The following FBLN2 variants were observed in gnomAD, a reference collection of about 807,000 sequenced individuals.
FBLN2 encodes the protein fibulin-2.
FBLN2 carries 81 observed loss-of-function variants against 123.7 expected under a neutral mutation model. The observed-to-expected ratio is 0.65, with a 90% confidence interval of 0.55 to 0.79. The LOEUF (loss-of-function observed/expected upper bound fraction) is 0.79. FBLN2 is among the 30% of genes least tolerant of loss of function. The pLI is 0.00. For synonymous variants in FBLN2, 699 were observed against 701.4 expected (o/e 1.00, Z 0.05); for missense variants, 1,603 against 1,681.3 (o/e 0.95, Z 0.81).
At chr3:13,633,994 C>CACACACACACACACACACACAG (rs1486654741) in intron 16 of FBLN2, among the ~76,000 whole-genome samples, 2 of 150,580 alleles carry the variant, frequency 1.3e-5, no homozygotes, top group East Asian at 2.0e-4. Context: ...CACACACACA[C>CACACACACACACACACACACAG]AGCTGAAAGT....
chr3:13,637,495 C>T, intron 17 of FBLN2, 67 bp from the exon 18 acceptor site: 5 of 1,415,452 alleles, frequency 3.5e-6, no homozygotes, highest in Non-Finnish European at 4.8e-6. Context: ...GCTGTGCCAT[C>T]TGTGTCCCCG....
intron 1 of FBLN2, among the ~76,000 whole-genome samples, chr3:13,558,208 C>T (rs369663346): frequency 2.6e-5 from 4 of 152,150 alleles, no homozygotes; most frequent in South Asian, 4.1e-4. Context: ...AGGCCGGCCC[C>T]GCCTGCCTGT....
intron 2 of FBLN2, among the ~76,000 whole-genome samples, chr3:13,602,823 T>C (rs369828568): frequency 6.6e-6 from 1 of 152,338 alleles, no homozygotes; most frequent in African/African-American, 2.4e-5. Flanking sequence ...TCTCTTGGAT[T>C]GTCTAGGAAG....
chr3:13,586,687 T>G (rs1342431408), intron 2 of FBLN2, among the ~76,000 whole-genome samples: 1 of 149,788 alleles, frequency 6.7e-6, no homozygotes, highest in African/African-American at 2.5e-5. Context: ...TTTTTTGTAT[T>G]TTAGTAGAGA....
intron 2 of FBLN2, among the ~76,000 whole-genome samples, chr3:13,595,455 CT>C (rs1163037160): frequency 6.6e-6 from 1 of 152,156 alleles, no homozygotes; most frequent in Non-Finnish European, 1.5e-5. Context: ...CCCTTTCTGT[CT>C]GTCCATTTTA....
At chr3:13,627,037 A>T (rs1706066356) in intron 10 of FBLN2, among the ~76,000 whole-genome samples, 1 of 151,930 alleles carries the variant, frequency 6.6e-6, no homozygotes, top group Admixed American at 6.6e-5. Context: ...GGTACCAGGG[A>T]TCCAGGGTGG....
In FBLN2 at chr3:13,618,342, G is replaced by A. The variant is rs1705708430; in HGVS notation, c.1939+57G>A. The A allele has an allele frequency of 7.6e-5, 118 of 1,544,100 alleles. 3 individuals carry two copies. The South Asian group carries it at 1.3e-3, about 17-fold the overall frequency. ...TGGGAAGGGCTGATCTTGCCAGGGGGTGTGGCATTCCTGGGGTGCACACTG... is the reference window on the plus strand; with the variant it reads ...TGGGAAGGGCTGATCTTGCCAGGGGATGTGGCATTCCTGGGGTGCACACTG... On this transcript the variant is annotated intron_variant, in intron 6 of 17. Coordinates refer to ENST00000404922, the MANE Select transcript of FBLN2 (RefSeq NM_001004019.2).
chr3:13,549,752 C>T (rs1703273082), intron 1 of FBLN2, among the ~76,000 whole-genome samples: 2 of 151,956 alleles, frequency 1.3e-5, no homozygotes. Context: ...TCTGCATTGG[C>T]GCGCCCACCC....
intron 8 of FBLN2, among the ~76,000 whole-genome samples, chr3:13,621,177 G>A (rs1207333286): frequency 6.6e-6 from 1 of 152,270 alleles, no homozygotes; most frequent in African/African-American, 2.4e-5. Flanking sequence ...GTTGCAATGG[G>A]CATTCAGAGA....
intron 4 of FBLN2, among the ~76,000 whole-genome samples, chr3:13,612,792 T>C (rs1490994826): frequency 1.3e-5 from 2 of 152,206 alleles, no homozygotes; most frequent in Non-Finnish European, 2.9e-5. Flanking sequence ...GTTAAGTATG[T>C]GATGGGCCTT....
intron 1 of FBLN2, among the ~76,000 whole-genome samples, chr3:13,562,070 A>T (rs1056728806): frequency 6.6e-6 from 1 of 152,208 alleles, no homozygotes; most frequent in Non-Finnish European, 1.5e-5. Flanking sequence ...TCCCTACTTG[A>T]TGCTTTGTGC....
Position 13,629,268 on chromosome 3 carries a change from G to A in FBLN2, c.2818G>A (p.Asp940Asn). ...TGACTGCAAAGCCGGCTTTCAGCGG[G>A]ATGCCTTTGGCCGGGGCTGCATCGG... ...RCDCKAGFQR[D>N]AFGRGCIDVN... Residue 940 changes from aspartate (D) to asparagine (N), a missense_variant, in exon 13 of 18, where the codon GAT (aspartate) becomes AAT (asparagine). Coordinates refer to ENST00000404922, the MANE Select transcript of FBLN2 (RefSeq NM_001004019.2). 9 of 1,612,004 alleles carry A rather than the reference G, an allele frequency of 5.6e-6. No homozygotes were observed. Among genetic ancestry groups the A allele is most frequent in the Non-Finnish European group, 6.8e-6 (8 of 1,179,434 alleles).
At chr3:13,556,691 C>T (rs1703473481) in intron 1 of FBLN2, among the ~76,000 whole-genome samples, 1 of 152,218 alleles carries the variant, frequency 6.6e-6, no homozygotes, top group African/African-American at 2.4e-5. Context: ...CTCTTTGGCC[C>T]TAGACGTTGG....
chr3:13,592,213 A>G (rs537458595), intron 2 of FBLN2, among the ~76,000 whole-genome samples: 1 of 151,746 alleles, frequency 6.6e-6, no homozygotes, highest in Non-Finnish European at 1.5e-5. Flanking sequence ...TTTAATAGAG[A>G]CAGGGTTTCA....
At chr3:13,599,498 G>A (rs1236675480) in intron 2 of FBLN2, among the ~76,000 whole-genome samples, 1 of 152,182 alleles carries the variant, frequency 6.6e-6, no homozygotes, top group Non-Finnish European at 1.5e-5. Flanking sequence ...TAAGGAAAGT[G>A]GAGACCACGG....
At chr3:13,558,779 A>AT (rs1168379064) in intron 1 of FBLN2, among the ~76,000 whole-genome samples, 2 of 7,510 alleles carry the variant, frequency 2.7e-4, no homozygotes, top group African/African-American at 1.1e-3. Flanking sequence ...CCATCCATCC[A>AT]CCCATCCACC....
chr3:13,551,844 C>CTTT (rs34105173), intron 1 of FBLN2, among the ~76,000 whole-genome samples: 11 of 133,096 alleles, frequency 8.3e-5, no homozygotes, highest in East Asian at 4.4e-4. Flanking sequence ...CCGGCCCCTC[C>CTTT]TTTTTTTTTT....
rs1703891984 is a variant in FBLN2 at position 13,570,368 on chromosome 3, T to G, written c.13T>G (p.Trp5Gly). Residue 5 changes from tryptophan to glycine, a missense_variant, in exon 2 of 18, where the codon TGG (tryptophan) becomes GGG (glycine). By Grantham distance (184) the Trp-to-Gly change is radical. Transcript: ENST00000404922. ...GCTGGCCTGGACCATGGTGCTGCTC[T>G]GGGAGCCTGCAGGAGCCTGGCTTGC... MVLL[W>G]EPAGAWLALG... is the part of the protein sequence containing the mutation. The G allele has an allele frequency of 2.6e-6, 4 of 1,566,302 alleles. No individual in the cohort carries two copies. The highest frequency in any genetic ancestry group is 3.5e-6 in the Non-Finnish European group (4 of 1,155,462).
At chr3:13,555,835 T>C (rs1034848812) in intron 1 of FBLN2, among the ~76,000 whole-genome samples, 5 of 152,222 alleles carry the variant, frequency 3.3e-5, no homozygotes, top group African/African-American at 4.8e-5. Flanking sequence ...CGGTCTCCAA[T>C]AGCCAGATTG....
Sources: gnomAD v4.1 joint callset for allele counts (sites outside exome capture counted in the v4.1 genomes callset) on GRCh38, gnomAD v4.1.1 for gene constraint, MANE v1.5 for transcripts, NCBI Gene and HGNC (gene_info 2026-07-23, HGNC 2026-07-21) for gene names.